USP24: variants seen among roughly 807,000 people sequenced by gnomAD.
USP24 encodes the protein ubiquitin carboxyl-terminal hydrolase 24.
In USP24, 97 loss-of-function variants were observed where a neutral mutation model predicts 361.6. The ratio of observed to expected loss-of-function variants is 0.27; its 90% CI spans 0.23 to 0.32. The LOEUF (loss-of-function observed/expected upper bound fraction) is 0.32. Ranked by LOEUF, USP24 falls within the 10% of genes least tolerant of loss-of-function variation. The pLI is 1.00. For synonymous variants in USP24, 1,098 were observed against 1,124.6 expected (o/e 0.98, Z 0.47); for missense variants, 2,353 against 3,165.6 (o/e 0.74, Z 6.16).
Position 55,110,226 on chromosome 1 carries a change from T to A in USP24, c.4529A>T (p.Glu1510Val). 1.9e-6 allele frequency: 3 copies of A among 1,551,210 alleles called. No homozygotes were observed. Among genetic ancestry groups the A allele is most frequent in the Non-Finnish European group, 2.6e-6 (3 of 1,146,890 alleles). ...VNQRLLSQCM[E>V]YFDLRCQLLD... ...TAACTGGCATCTCAAATCAAAATAC[T>A]CCATACACTGAGATAACAGTCTAAA... Residue 1510 changes from glutamate (E) to valine (V), a missense_variant, in exon 39 of 68, where the codon GAG (glutamate) becomes GTG (valine). By Grantham distance (121) the Glu-to-Val change is moderately radical. This residue lies in a region of USP24 where 949 missense variants were observed against 1,280.5 expected (regional missense o/e 0.74). Coordinates refer to ENST00000294383, the MANE Select transcript of USP24 (RefSeq NM_015306.3).
At chr1:55,199,046 T>G (rs895385516) in intron 1 of USP24, among the ~76,000 whole-genome samples, 1 of 152,128 alleles carries the variant, frequency 6.6e-6, no homozygotes, top group Non-Finnish European at 1.5e-5. Context: ...TCCTGGCACT[T>G]TGAGAGGCCG....
chr1:55,091,112 G>A (rs1431035276), intron 54 of USP24, among the ~76,000 whole-genome samples: 1 of 152,062 alleles, frequency 6.6e-6, no homozygotes, highest in African/African-American at 2.4e-5. Context: ...TAAAACCAAT[G>A]ATGAATAAGA....
chr1:55,106,347 G>T, intron 40 of USP24, 84 bp from the exon 41 acceptor site: 1 of 1,094,664 alleles, frequency 9.1e-7, no homozygotes, highest in Non-Finnish European at 1.3e-6. Context: ...TATCAGAGCA[G>T]CAAAGGTACC....
At position 55,132,647 on chromosome 1, in the gene USP24, T is replaced by A; in HGVS notation, c.3435A>T (p.Ser1145=). 6.2e-7 allele frequency: 1 copy of A among 1,613,746 alleles called. No individual in the cohort carries two copies. Among genetic ancestry groups the A allele is most frequent in the Non-Finnish European group, 8.5e-7 (1 of 1,179,758 alleles). ...SSQSSKSPSL[S]SKQQHQPSAS... The stretch of plus-strand genomic sequence containing the variant: ...CACTTGGCTGGTGCTGTTGCTTTGA[T>A]GACAGGGATGGAGATTTTGAGGACT... Residue 1145 remains serine (S), a synonymous_variant, in exon 31 of 68, where the codon TCA becomes TCT. Transcript: ENST00000294383.
intron 1 of USP24, among the ~76,000 whole-genome samples, chr1:55,195,674 T>C (rs1234342235): frequency 6.6e-6 from 1 of 152,188 alleles, no homozygotes; most frequent in Non-Finnish European, 1.5e-5. Context: ...GACATCATGC[T>C]TAGTGAAATA....
At chr1:55,170,243 G>A (rs1649309652) in intron 5 of USP24, among the ~76,000 whole-genome samples, 1 of 152,088 alleles carries the variant, frequency 6.6e-6, no homozygotes, top group African/African-American at 2.4e-5. Flanking sequence ...GCTTGAGAAG[G>A]CAAGAGAAGA....
intron 64 of USP24, 66 bp downstream of exon 64, chr1:55,073,762 C>T: frequency 7.0e-7 from 1 of 1,434,216 alleles, no homozygotes; most frequent in Non-Finnish European, 9.6e-7. Flanking sequence ...ACATGTTCCC[C>T]TTCTGCTCAT....
intron 4 of USP24, 145 bp from the exon 5 acceptor site, chr1:55,171,823 T>C: frequency 1.1e-6 from 1 of 929,990 alleles, no homozygotes; most frequent in Non-Finnish European, 1.6e-6. Flanking sequence ...ACGCCTTAGC[T>C]AGTGCAAAAG....
Position 55,072,384 on chromosome 1 carries a change from G to A in USP24, c.7622C>T (p.Thr2541Ile), listed in dbSNP as rs1644938787. 1.2e-6 allele frequency: 2 copies of A among 1,613,216 alleles called. No individual in the cohort carries two copies. The highest frequency in any genetic ancestry group is 2.2e-5 in the East Asian group (1 of 44,864). The part of the protein sequence containing the change: ...LQKKMSEHYW[T>I]PQSNVSNETS... Reference sequence around the variant, plus strand: ...TTCATTAGAGACATTACTCTGTGGTGTCCAGTAATGTTCTGACATCTGAGA... The same window carrying A: ...TTCATTAGAGACATTACTCTGTGGTATCCAGTAATGTTCTGACATCTGAGA... Residue 2541 changes from threonine to isoleucine, a missense_variant, in exon 66 of 68, where the codon ACA (threonine) becomes ATA (isoleucine). Thr to Ile is a moderately conservative substitution (Grantham distance 89, BLOSUM62 -1). Coordinates refer to ENST00000294383, the MANE Select transcript of USP24 (RefSeq NM_015306.3).
intron 66 of USP24, 82 bp downstream of exon 66, chr1:55,072,217 AACTCATACCTCTCTTCTC>A: frequency 1.1e-6 from 1 of 929,320 alleles, no homozygotes; most frequent in Non-Finnish European, 1.6e-6. Context: ...TCTCATCTTC[AACTCATACCTCTCTTCTC>A]AGAGGTTGCA....
At chr1:55,100,767 C>G in intron 44 of USP24, 72 bp downstream of exon 44, 2 of 1,425,962 alleles carry the variant, frequency 1.4e-6, no homozygotes, top group Non-Finnish European at 1.8e-6. Flanking sequence ...AACAAAAAAC[C>G]ATTACCATTA....
In USP24 at chr1:55,076,269, ACTAT is replaced by A. The variant is rs1208256524; in HGVS notation, c.7381-750_7381-747del. On this transcript the variant is annotated intron_variant, in intron 62 of 67. Transcript: ENST00000294383. The stretch of plus-strand genomic sequence containing the variant: ...GTACTGAACTGTGCATGGTATAAAA[ACTAT>A]ATGGGTTTGTTGTTGATAGATGAAC... Among the ~76,000 whole-genome samples the A allele has an allele frequency of 2.0e-5, 3 of 152,204 alleles. No homozygotes were observed. In the East Asian group the frequency reaches 5.8e-4, roughly 29 times the overall value.
At chr1:55,074,455 G>C (rs1031551009) in intron 63 of USP24, among the ~76,000 whole-genome samples, 1 of 152,016 alleles carries the variant, frequency 6.6e-6, no homozygotes, top group South Asian at 2.1e-4. Context: ...GCAACATGAT[G>C]AAAGTCTGTC....
chr1:55,109,186 A>G (rs1357947279), intron 39 of USP24, among the ~76,000 whole-genome samples: 1 of 152,174 alleles, frequency 6.6e-6, no homozygotes, highest in African/African-American at 2.4e-5. Context: ...CATGTCGGCC[A>G]GGCTGGTCTC....
Position 55,137,923 on chromosome 1 carries a change from C to A in USP24, c.2929-19G>T. 6.4e-7 allele frequency: 1 copy of A among 1,556,378 alleles called. No individual in the cohort carries two copies. Among genetic ancestry groups the A allele is most frequent in the Non-Finnish European group, 8.7e-7 (1 of 1,148,216 alleles). ...TGTGAGCCTGTAAAATAAAATTAAA[C>A]ACGTTGTGAGAGAATTCATTTATTT... On this transcript the variant is annotated intron_variant, in intron 26 of 67. Coordinates refer to ENST00000294383, the MANE Select transcript of USP24 (RefSeq NM_015306.3).
chr1:55,137,925 C>T lies in USP24; in HGVS notation c.2929-21G>A, dbSNP rs769480282. ...TGAGCCTGTAAAATAAAATTAAACA[C>T]GTTGTGAGAGAATTCATTTATTTAT... On this transcript the variant is annotated intron_variant, in intron 26 of 67. Transcript: ENST00000294383. 4.0e-5 allele frequency: 62 copies of T among 1,552,122 alleles called. 1 individual carries two copies. The highest frequency in any genetic ancestry group is 3.1e-4 in the South Asian group (26 of 84,414).
chr1:55,134,331 G>A lies in USP24; in HGVS notation c.3284C>T (p.Pro1095Leu). The change falls in exon 29 of 68, where the codon CCA (proline) becomes CTA (leucine). Residue 1095 changes from proline (P) to leucine (L), a missense_variant. By Grantham distance (98) the Pro-to-Leu change is moderately conservative. This residue lies in a region of USP24 where 949 missense variants were observed against 1,280.5 expected (regional missense o/e 0.74). Coordinates refer to ENST00000294383, the MANE Select transcript of USP24 (RefSeq NM_015306.3). The part of the protein sequence containing the change: ...MLYQLANLEE[P>L]RITLRVRKLL... ...CCTCACAAATATTTATATTTACCTTGGCTCTTCCAGATTGGCGAGCTGATA... is the reference window on the plus strand; with the variant it reads ...CCTCACAAATATTTATATTTACCTTAGCTCTTCCAGATTGGCGAGCTGATA... 6.2e-7 allele frequency: 1 copy of A among 1,611,588 alleles called. No individual in the cohort carries two copies. The highest frequency in any genetic ancestry group is 8.5e-7 in the Non-Finnish European group (1 of 1,178,530).
chr1:55,165,257 T>C lies in USP24; in HGVS notation c.927+628A>G, dbSNP rs145056152. On this transcript the variant is annotated intron_variant, in intron 7 of 67. Transcript: ENST00000294383. Reference sequence around the variant, plus strand: ...AGCGCAGTGTCTTATTCATGCCAAGTACGTAATAGTTTTTAGTTGAATGAT... The same window carrying C: ...AGCGCAGTGTCTTATTCATGCCAAGCACGTAATAGTTTTTAGTTGAATGAT... 3.8e-3 allele frequency among the ~76,000 whole-genome samples: 584 copies of C among 152,260 alleles called. 5 individuals carry two copies. Among genetic ancestry groups the C allele is most frequent in the African/African-American group, 0.013 (541 of 41,584 alleles).
intron 28 of USP24, among the ~76,000 whole-genome samples, chr1:55,136,265 G>C (rs910236928): frequency 6.6e-6 from 1 of 152,106 alleles, no homozygotes; most frequent in Non-Finnish European, 1.5e-5. Context: ...CAAATTCACA[G>C]ACCATGCTAT....
Sources: allele counts gnomAD v4.1 joint callset (sites outside exome capture counted in the v4.1 genomes callset), GRCh38; gene constraint gnomAD v4.1.1; regional missense constraint gnomAD v4.1.1; transcripts MANE v1.5; gene names NCBI Gene and HGNC (gene_info 2026-07-23, HGNC 2026-07-21).